The following THSD4 variants were observed in gnomAD, a reference collection of about 807,000 sequenced individuals.
THSD4 encodes the protein thrombospondin type 1 domain containing 4.
A neutral mutation model predicts 119.0 loss-of-function variants in THSD4; 69 were observed. That is an observed-to-expected ratio of 0.58 (90% CI 0.48 to 0.71). The LOEUF (loss-of-function observed/expected upper bound fraction) is 0.71, where lower values mean the gene tolerates loss of function less well. Among genes scored for constraint, THSD4 ranks in the 30% least tolerant of loss-of-function variants. The pLI, the probability that THSD4 is intolerant of heterozygous loss-of-function variation, is 0.00. For missense variants in THSD4, 1,393 were observed against 1,391.1 expected (o/e 1.00, Z -0.02); for synonymous variants, 524 against 540.4 (o/e 0.97, Z 0.42).
chr15:71,157,109 T>C (rs2040785622), intron 3 of THSD4, among the ~76,000 whole-genome samples: 1 of 152,238 alleles, frequency 6.6e-6, no homozygotes, highest in South Asian at 2.1e-4. Context: ...CCTCTTGTTG[T>C]TGTTGCTCAA....
At chr15:71,363,396 C>T (rs12102112) in intron 6 of THSD4, among the ~76,000 whole-genome samples, 20,544 of 152,162 alleles carry the variant, frequency 0.14, 1,471 homozygotes, top group Middle Eastern at 0.2. Context: ...CTCAACTTTC[C>T]CTAGAAGCCT....
At chr15:71,465,634 A>G (rs564946559) in intron 7 of THSD4, among the ~76,000 whole-genome samples, 1 of 152,344 alleles carries the variant, frequency 6.6e-6, no homozygotes, top group African/African-American at 2.4e-5. Flanking sequence ...CTGCAACCCA[A>G]GTTACCTACA....
At chr15:71,714,867 C>A (rs1000025153) in intron 8 of THSD4, among the ~76,000 whole-genome samples, 1 of 151,982 alleles carries the variant, frequency 6.6e-6, no homozygotes, top group African/African-American at 2.4e-5. Flanking sequence ...GCACGTGTAC[C>A]CCCAATCCTA....
chr15:71,496,578 A>G (rs1335231234), intron 7 of THSD4, among the ~76,000 whole-genome samples: 1 of 152,188 alleles, frequency 6.6e-6, no homozygotes, highest in African/African-American at 2.4e-5. Flanking sequence ...GGAGAAAGGC[A>G]AAAAGTACGT....
intron 7 of THSD4, among the ~76,000 whole-genome samples, chr15:71,659,145 ATG>A (rs1232126172): frequency 2.0e-5 from 3 of 152,246 alleles, no homozygotes; most frequent in Non-Finnish European, 2.9e-5. Context: ...TTTGGAGAAT[ATG>A]TGTCTCAAGA....
intron 6 of THSD4, among the ~76,000 whole-genome samples, chr15:71,358,049 G>A (rs1020091934): frequency 2.6e-5 from 4 of 152,164 alleles, no homozygotes; most frequent in East Asian, 1.9e-4. Context: ...GGGAAGGGGC[G>A]GCCAGATCCC....
chr15:71,133,196 C>T (rs936732083), intron 1 of THSD4, among the ~76,000 whole-genome samples: 1 of 152,102 alleles, frequency 6.6e-6, no homozygotes, highest in African/African-American at 2.4e-5. Flanking sequence ...TCTTTGATTC[C>T]TAGGTAGGGT....
chr15:71,586,615 A>C (rs2049675840), intron 7 of THSD4, among the ~76,000 whole-genome samples: 1 of 152,168 alleles, frequency 6.6e-6, no homozygotes, highest in Admixed American at 6.5e-5. Context: ...CAAACCTGTG[A>C]CCAGAAAGAG....
At chr15:71,111,774 T>G (rs182290959), upstream of THSD4, 2 of 513,496 alleles carry the variant, frequency 3.9e-6, no homozygotes, top group African/African-American at 3.8e-5. Flanking sequence ...GGGGTTTCCT[T>G]TCCTGCTGGG....
At chr15:71,245,469 A>G (rs960197319) in intron 5 of THSD4, among the ~76,000 whole-genome samples, 1 of 152,186 alleles carries the variant, frequency 6.6e-6, no homozygotes, top group African/African-American at 2.4e-5. Context: ...GACTTAGCAT[A>G]TAGTCACACT....
intron 7 of THSD4, among the ~76,000 whole-genome samples, chr15:71,465,056 C>T (rs1025126511): frequency 1.3e-5 from 2 of 151,922 alleles, no homozygotes; most frequent in African/African-American, 2.4e-5. Flanking sequence ...TCTTGGTGAG[C>T]GAGTGACTCA....
At chr15:71,528,155 C>G (rs957220418) in intron 7 of THSD4, among the ~76,000 whole-genome samples, 9 of 152,118 alleles carry the variant, frequency 5.9e-5, no homozygotes, top group African/African-American at 1.7e-4. Context: ...TATTGAAAAC[C>G]ACAAAAGTTG....
intron 6 of THSD4, among the ~76,000 whole-genome samples, chr15:71,374,552 C>A (rs2046105354): frequency 1.3e-5 from 2 of 152,256 alleles, no homozygotes; most frequent in South Asian, 4.1e-4. Context: ...TGAAGTTCTA[C>A]CAGTTCTGCT....
chr15:71,598,907 G>A (rs973909113), intron 7 of THSD4, among the ~76,000 whole-genome samples: 10 of 152,114 alleles, frequency 6.6e-5, no homozygotes, highest in East Asian at 3.9e-4. Flanking sequence ...TTGAGCCACC[G>A]CATCTGACCG....
intron 6 of THSD4, among the ~76,000 whole-genome samples, chr15:71,308,473 C>G (rs2045064097): frequency 9.4e-6 from 1 of 105,994 alleles, no homozygotes; most frequent in Non-Finnish European, 1.9e-5. Context: ...CTGTCTCCTT[C>G]CTTGCTTTTT....
intron 1 of THSD4, among the ~76,000 whole-genome samples, chr15:71,126,207 C>T (rs2040454515): frequency 6.6e-6 from 1 of 152,166 alleles, no homozygotes; most frequent in Non-Finnish European, 1.5e-5. Flanking sequence ...CTCTTACCAC[C>T]ACCCAGCAGT....
chr15:71,554,210 C>G (rs1045061989), intron 7 of THSD4, among the ~76,000 whole-genome samples: 4 of 151,350 alleles, frequency 2.6e-5, no homozygotes, highest in African/African-American at 9.7e-5. Context: ...CTGCCTCAGC[C>G]TCCCGAGTAG....
chr15:71,170,023 C>T (rs904136419), intron 3 of THSD4, among the ~76,000 whole-genome samples: 8 of 152,048 alleles, frequency 5.3e-5, no homozygotes, highest in Non-Finnish European at 1.0e-4. Flanking sequence ...AAAGTACAAA[C>T]GTTAGCCAGG....
chr15:71,311,259 A>T lies in THSD4; in HGVS notation c.1015+54544A>T, dbSNP rs539197043. Among the ~76,000 whole-genome samples, 4 of 152,322 alleles carry T rather than the reference A, an allele frequency of 2.6e-5. No individual in the cohort carries two copies. In the East Asian group the frequency reaches 7.7e-4, roughly 29 times the overall value. ...TGTTTGTTAACATAGATTTCCAGGGAGTTGTCATAGGCCACCTCTACTTAT... is the reference window on the plus strand; with the variant it reads ...TGTTTGTTAACATAGATTTCCAGGGTGTTGTCATAGGCCACCTCTACTTAT... On this transcript the variant is annotated intron_variant, in intron 6 of 17. Coordinates refer to ENST00000261862, the MANE Select transcript of THSD4 (RefSeq NM_024817.3).
Sources: allele counts gnomAD v4.1 joint callset (sites outside exome capture counted in the v4.1 genomes callset), GRCh38; gene constraint gnomAD v4.1.1; transcripts MANE v1.5; gene names NCBI Gene and HGNC (gene_info 2026-07-23, HGNC 2026-07-21).